STK32B: variants seen among roughly 807,000 people sequenced by gnomAD.
STK32B encodes the protein serine/threonine-protein kinase 32B.
A neutral mutation model predicts 52.6 loss-of-function variants in STK32B; 43 were observed. The ratio of observed to expected loss-of-function variants is 0.82; its 90% confidence interval spans 0.64 to 1.05. The LOEUF (loss-of-function observed/expected upper bound fraction) is 1.05, where lower values mean the gene tolerates loss of function less well. Ranked by LOEUF, STK32B falls within the 50% of genes least tolerant of loss-of-function variation. STK32B has a pLI of 0.00. For synonymous variants in STK32B, 238 were observed against 204.3 expected (o/e 1.17, Z -1.41); for missense variants, 621 against 534.6 (o/e 1.16, Z -1.59).
intron 11 of STK32B, among the ~76,000 whole-genome samples, chr4:5,475,320 G>A (rs1718155768): frequency 6.6e-6 from 1 of 151,206 alleles, no homozygotes. Flanking sequence ...AGCCACTCAG[G>A]AGGCTGAGGC....
chr4:5,207,554 G>C (rs867625511), intron 3 of STK32B, among the ~76,000 whole-genome samples: 40 of 152,046 alleles, frequency 2.6e-4, no homozygotes, highest in Middle Eastern at 3.4e-3. Context: ...CCCAGTCTCA[G>C]GTATTTCTTC....
chr4:5,318,522 A>G lies in STK32B; in HGVS notation c.261-12698A>G, dbSNP rs1405300804. On this transcript the variant is annotated intron_variant, in intron 3 of 11. Transcript: ENST00000282908. Reference sequence around the variant, plus strand: ...AATGAAATTGGAGAGTCCTGATCACATAGAGCTTTGTAGGCTAGGTTAAGG... The same window carrying G: ...AATGAAATTGGAGAGTCCTGATCACGTAGAGCTTTGTAGGCTAGGTTAAGG... Among the ~76,000 whole-genome samples the G allele has an allele frequency of 5.9e-5, 9 of 152,306 alleles. No homozygotes were observed. In the East Asian group the frequency reaches 1.4e-3, roughly 23 times the overall value.
At chr4:5,052,061 G>C in intron 1 of STK32B, 146 bp downstream of exon 1, 2 of 1,284,218 alleles carry the variant, frequency 1.6e-6, no homozygotes, top group South Asian at 2.6e-5. Flanking sequence ...GTGTGTGCCC[G>C]ACCCGTGCCA....
At chr4:5,247,401 C>G (rs1032185359) in intron 3 of STK32B, among the ~76,000 whole-genome samples, 1 of 152,196 alleles carries the variant, frequency 6.6e-6, no homozygotes, top group African/African-American at 2.4e-5. Context: ...CCTGGTGTAC[C>G]GTTTGTTAAG....
intron 3 of STK32B, among the ~76,000 whole-genome samples, chr4:5,329,655 T>A (rs531536351): frequency 6.6e-6 from 1 of 152,324 alleles, no homozygotes; most frequent in South Asian, 2.1e-4. Flanking sequence ...AGACAGTTTC[T>A]TTGTCCCAGT....
intron 4 of STK32B, among the ~76,000 whole-genome samples, chr4:5,342,301 A>G (rs1317823934): frequency 6.6e-6 from 1 of 152,194 alleles, no homozygotes; most frequent in South Asian, 2.1e-4. Flanking sequence ...GAACCAACCC[A>G]AATATCCATC....
intron 3 of STK32B, among the ~76,000 whole-genome samples, chr4:5,306,413 A>T: frequency 6.6e-6 from 1 of 152,100 alleles, no homozygotes; most frequent in Non-Finnish European, 1.5e-5. Context: ...ATATTTAGGA[A>T]TGTGATATTT....
intron 4 of STK32B, among the ~76,000 whole-genome samples, chr4:5,385,442 G>C (rs1736184826): frequency 6.7e-6 from 1 of 148,544 alleles, no homozygotes; most frequent in African/African-American, 2.5e-5. Context: ...GAGGTTGTGA[G>C]TGTTGGAGGG....
chr4:5,329,032 A>G (rs1560324290), intron 3 of STK32B, among the ~76,000 whole-genome samples: 1 of 152,342 alleles, frequency 6.6e-6, no homozygotes, highest in East Asian at 1.9e-4. Context: ...CTTTCTGGGC[A>G]AACAAAAATA....
intron 1 of STK32B, among the ~76,000 whole-genome samples, chr4:5,103,641 G>A (rs187860979): frequency 2.6e-5 from 4 of 152,226 alleles, no homozygotes; most frequent in East Asian, 1.9e-4. Flanking sequence ...GCTGAGAAAC[G>A]GTAGAATTCC....
the STK32B span, among the ~76,000 whole-genome samples, chr4:5,044,748 C>G: frequency 1.3e-5 from 2 of 152,018 alleles, no homozygotes; most frequent in Admixed American, 1.3e-4. Context: ...TCTCTACAAA[C>G]TTAAAATAAA....
intron 3 of STK32B, among the ~76,000 whole-genome samples, chr4:5,260,078 T>TACACAC (rs59447566): frequency 6.6e-6 from 1 of 150,936 alleles, no homozygotes; most frequent in East Asian, 1.9e-4. Flanking sequence ...CATACACACA[T>TACACAC]ACACACACAC....
intron 3 of STK32B, among the ~76,000 whole-genome samples, chr4:5,256,540 A>G (rs1434900264): frequency 6.6e-6 from 1 of 152,142 alleles, no homozygotes; most frequent in African/African-American, 2.4e-5. Context: ...CATCAGTGTA[A>G]ACTCAAAGCA....
At chr4:5,141,813 C>T (rs2108834017) in intron 2 of STK32B, among the ~76,000 whole-genome samples, 1 of 152,226 alleles carries the variant, frequency 6.6e-6, no homozygotes, top group Non-Finnish European at 1.5e-5. Flanking sequence ...ACTTTTCACC[C>T]ACCCCCTCCA....
intron 2 of STK32B, among the ~76,000 whole-genome samples, chr4:5,144,802 ATC>A: frequency 6.6e-6 from 1 of 152,030 alleles, no homozygotes; most frequent in African/African-American, 2.4e-5. Flanking sequence ...CCATCCATCC[ATC>A]CATCCATCCA....
At chr4:5,105,984 A>C (rs953694254) in intron 1 of STK32B, among the ~76,000 whole-genome samples, 2 of 152,022 alleles carry the variant, frequency 1.3e-5, no homozygotes, top group African/African-American at 4.8e-5. Flanking sequence ...TTCATTGCCC[A>C]TAATGTTGAG....
chr4:5,036,659 ATTTTTTTTTTT>A, the STK32B span, among the ~76,000 whole-genome samples: 3 of 74,204 alleles, frequency 4.0e-5, no homozygotes, highest in Non-Finnish European at 7.3e-5. Context: ...GCAAGGGTGG[ATTTTTTTTTTT>A]TTTTTTTTTT....
At chr4:5,201,913 A>G (rs1176498032) in intron 3 of STK32B, among the ~76,000 whole-genome samples, 3 of 152,188 alleles carry the variant, frequency 2.0e-5, no homozygotes, top group Non-Finnish European at 4.4e-5. Context: ...ACAGAGCCAA[A>G]CCATATCATT....
intron 1 of STK32B, among the ~76,000 whole-genome samples, chr4:5,128,455 G>C (rs1338733348): frequency 6.6e-6 from 1 of 152,200 alleles, no homozygotes; most frequent in Non-Finnish European, 1.5e-5. Context: ...TTTTTGCTGT[G>C]TAATATTTTC....
Sources: allele counts gnomAD v4.1 joint callset (sites outside exome capture counted in the v4.1 genomes callset), GRCh38; gene constraint gnomAD v4.1.1; transcripts MANE v1.5; gene names NCBI Gene and HGNC (gene_info 2026-07-23, HGNC 2026-07-21).